Variants in OSTF1 observed in about 807,000 individuals in gnomAD.
OSTF1 encodes the protein osteoclast-stimulating factor 1.
A neutral mutation model predicts 37.2 loss-of-function variants in OSTF1; 27 were observed. That is an observed-to-expected ratio of 0.73 (90% confidence interval 0.54 to 1.00). The LOEUF (loss-of-function observed/expected upper bound fraction) is 1.00, where lower values mean the gene tolerates loss of function less well. Ranked by LOEUF, OSTF1 falls within the 50% of genes least tolerant of loss-of-function variation. The pLI is 0.00. For synonymous variants in OSTF1, 82 were observed against 89.2 expected (o/e 0.92, Z 0.46); for missense variants, 232 against 253.8 (o/e 0.91, Z 0.58).
At chr9:75,130,024 A>T (rs75871543) in intron 3 of OSTF1, among the ~76,000 whole-genome samples, 7,262 of 152,286 alleles carry the variant, frequency 0.048, 224 homozygotes, top group Middle Eastern at 0.078. Context: ...TTTTAAAATA[A>T]TCCAGGAGGG....
chr9:75,098,089 C>A (rs924800488), intron 1 of OSTF1, among the ~76,000 whole-genome samples: 1 of 152,134 alleles, frequency 6.6e-6, no homozygotes, highest in Non-Finnish European at 1.5e-5. Context: ...TCATCTCATG[C>A]TAAATCTGAT....
At chr9:75,115,639 TTTTTTGTTTTTTTTTTGTTTTTTG>T (rs770185184) in intron 1 of OSTF1, among the ~76,000 whole-genome samples, 52 of 74,004 alleles carry the variant, frequency 7.0e-4, no homozygotes, top group Non-Finnish European at 1.5e-3. Flanking sequence ...GACCCCCCCT[TTTTTTGTTTTTTTTTTGTTTTTTG>T]TTTTTTTTTG....
At position 75,140,918 on chromosome 9, in the gene OSTF1, A is replaced by C. The variant is rs1825932414; in HGVS notation, c.572A>C (p.Lys191Thr). 1 of 1,608,966 alleles carries C rather than the reference A, an allele frequency of 6.2e-7. No homozygotes were observed. Among genetic ancestry groups the C allele is most frequent in the Non-Finnish European group, 8.5e-7 (1 of 1,175,550 alleles). Reference protein sequence around the residue: ...TNAACASLLKKKQGTDAVRTL... With the variant: ...TNAACASLLKTKQGTDAVRTL... ...GCTGCCTGTGCATCTCTCCTGAAAAAGAAACAGGGAACAGGTATTTGTTTT... is the reference window on the plus strand; with the variant it reads ...GCTGCCTGTGCATCTCTCCTGAAAACGAAACAGGGAACAGGTATTTGTTTT... Residue 191 changes from lysine to threonine, a missense_variant, in exon 9 of 10, where the codon AAG (lysine) becomes ACG (threonine). Lys to Thr is a moderately conservative substitution (Grantham distance 78). Transcript: ENST00000346234.
At chr9:75,145,713 G>A (rs1323318284) in intron 9 of OSTF1, among the ~76,000 whole-genome samples, 1 of 152,198 alleles carries the variant, frequency 6.6e-6, no homozygotes. Flanking sequence ...TGACAGATGA[G>A]TTCTTTTTGG....
chr9:75,093,064 C>CTTTTTTTTTTTTTTTTTTT (rs1043919048), intron 1 of OSTF1, among the ~76,000 whole-genome samples: 1 of 112,860 alleles, frequency 8.9e-6, no homozygotes, highest in African/African-American at 3.2e-5. Flanking sequence ...TTCTTTCTTT[C>CTTTTTTTTTTTTTTTTTTT]TTTTTTTTTT....
At chr9:75,144,494 G>A (rs1323182411) in intron 9 of OSTF1, among the ~76,000 whole-genome samples, 10 of 152,300 alleles carry the variant, frequency 6.6e-5, no homozygotes, top group African/African-American at 2.4e-4. Context: ...CAAGGCTGCA[G>A]TGAGCCATGA....
chr9:75,114,594 C>A (rs1019569425), intron 1 of OSTF1, among the ~76,000 whole-genome samples: 1 of 151,378 alleles, frequency 6.6e-6, no homozygotes, highest in African/African-American at 2.4e-5. Flanking sequence ...TCTCTGTCAC[C>A]CAGGCTGGAG....
At chr9:75,114,945 C>T (rs1825455639) in intron 1 of OSTF1, among the ~76,000 whole-genome samples, 1 of 152,182 alleles carries the variant, frequency 6.6e-6, no homozygotes, top group African/African-American at 2.4e-5. Context: ...CTTGTATGTG[C>T]CAGGCACTGT....
chr9:75,110,384 C>T (rs373108842), intron 1 of OSTF1, among the ~76,000 whole-genome samples: 30 of 152,292 alleles, frequency 2.0e-4, no homozygotes, highest in African/African-American at 6.3e-4. Context: ...CTTAGTAATA[C>T]GCATTTTAGT....
chr9:75,116,125 TAATAATAC>T (rs1487676293), intron 1 of OSTF1, among the ~76,000 whole-genome samples: 2 of 151,708 alleles, frequency 1.3e-5, no homozygotes, highest in Non-Finnish European at 2.9e-5. Context: ...ATTATTATTA[TAATAATAC>T]AATAATACAA....
chr9:75,104,635 A>G (rs1270040301), intron 1 of OSTF1, among the ~76,000 whole-genome samples: 3 of 152,236 alleles, frequency 2.0e-5, no homozygotes, highest in Non-Finnish European at 4.4e-5. Context: ...GATTTCGATA[A>G]TACTCTCTTG....
At position 75,137,678 on chromosome 9, in the gene OSTF1, T is replaced by TA; in HGVS notation, c.487+63dup. The stretch of plus-strand genomic sequence containing the variant: ...CCCTGAAAAATAGTCTATATCAACT[T>TA]ACGCCATTTGAAATGGTAGGAAGAA... On this transcript the variant is annotated intron_variant, in intron 8 of 9. Transcript: ENST00000346234. 4.9e-6 allele frequency: 5 copies of TA among 1,020,840 alleles called. No individual in the cohort carries two copies. In the Admixed American group the frequency reaches 8.9e-5, roughly 18 times the overall value. 63.2% of individuals were successfully genotyped at this position (1,020,840 alleles called of 1,614,324 possible). A position where few individuals can be genotyped will look rare whatever the true frequency, so the allele number is the denominator to read the frequency against.
rs138631745 is a variant in OSTF1 at position 75,146,721 on chromosome 9, G to T, written c.625G>T (p.Asp209Tyr). ...ATTAAGCAATGCCGAGGACTATCTC[G>T]ATGATGAAGACTCAGATTAATTCCT... Reference protein sequence around the residue: ...RTLSNAEDYLDDEDSD With the variant: ...RTLSNAEDYLYDEDSD The change falls in exon 10 of 10, where the codon GAT becomes TAT. Residue 209 changes from aspartate to tyrosine, a missense_variant. By Grantham distance (160) the Asp-to-Tyr change is radical. Transcript: ENST00000346234. The T allele has an allele frequency of 2.4e-4, 379 of 1,609,896 alleles. No individual in the cohort carries two copies. Among genetic ancestry groups the T allele is most frequent in the Admixed American group, 3.4e-4 (20 of 59,470 alleles).
At chr9:75,125,771 G>T (rs1342428052) in intron 2 of OSTF1, among the ~76,000 whole-genome samples, 8 of 152,182 alleles carry the variant, frequency 5.3e-5, no homozygotes, top group Non-Finnish European at 1.0e-4. Flanking sequence ...TGGAGAAATA[G>T]TTATAATAAG....
chr9:75,131,006 C>A (rs1454974211), intron 4 of OSTF1, among the ~76,000 whole-genome samples: 1 of 152,078 alleles, frequency 6.6e-6, no homozygotes, highest in Non-Finnish European at 1.5e-5. Flanking sequence ...CTTGTTCATT[C>A]ATGTTTGGGG....
intron 1 of OSTF1, among the ~76,000 whole-genome samples, chr9:75,108,740 C>G (rs1825333916): frequency 1.3e-5 from 2 of 151,976 alleles, no homozygotes; most frequent in Admixed American, 6.6e-5. Flanking sequence ...TCAGTTGGTT[C>G]CTATCAGGGA....
chr9:75,110,360 A>G (rs759863673), intron 1 of OSTF1, among the ~76,000 whole-genome samples: 51 of 152,190 alleles, frequency 3.4e-4, no homozygotes, highest in Non-Finnish European at 6.6e-4. Flanking sequence ...TAGCCTTTTC[A>G]TGTTGACTTT....
At chr9:75,128,363 C>CATATATAT (rs1174174895) in intron 3 of OSTF1, among the ~76,000 whole-genome samples, 2 of 11,518 alleles carry the variant, frequency 1.7e-4, no homozygotes, top group African/African-American at 2.5e-4. Context: ...GTATGAAAGA[C>CATATATAT]ATATATATAT....
intron 2 of OSTF1, among the ~76,000 whole-genome samples, chr9:75,119,604 T>A (rs984685285): frequency 6.6e-6 from 1 of 152,228 alleles, no homozygotes; most frequent in Non-Finnish European, 1.5e-5. Flanking sequence ...CTTGTAGATG[T>A]CAGACTTCTC....
Sources: allele counts gnomAD v4.1 joint callset (sites outside exome capture counted in the v4.1 genomes callset), GRCh38; gene constraint gnomAD v4.1.1; transcripts MANE v1.5; gene names NCBI Gene and HGNC (gene_info 2026-07-23, HGNC 2026-07-21).